Variants in ACOT8 observed in about 807,000 individuals in gnomAD.
ACOT8 encodes the protein acyl-CoA thioesterase 8, also known as acyl-coenzyme A thioesterase 8.
ACOT8 carries 31 observed loss-of-function variants against 38.4 expected under a neutral mutation model. The ratio of observed to expected loss-of-function variants is 0.81; its 90% CI spans 0.61 to 1.09. ACOT8 has a LOEUF of 1.09. ACOT8 is among the 50% of genes least tolerant of loss of function. The probability of loss-of-function intolerance (pLI) is 0.00; values close to 1 mark genes in which losing one functional copy is unlikely to be tolerated. For synonymous variants in ACOT8, 158 were observed against 170.3 expected (o/e 0.93, Z 0.56); for missense variants, 373 against 421.8 (o/e 0.88, Z 1.01).
At chr20:45,844,481 T>C (rs769684522) in intron 3 of ACOT8, 61 bp from the exon 4 acceptor site, 55 of 1,560,386 alleles carry the variant, frequency 3.5e-5, no homozygotes, top group Non-Finnish European at 4.8e-5. Flanking sequence ...CACATCTGCA[T>C]TGCCTCTTCT....
chr20:45,847,089 A>C (rs1258955202), intron 3 of ACOT8, among the ~76,000 whole-genome samples: 3 of 152,154 alleles, frequency 2.0e-5, no homozygotes, highest in Admixed American at 6.6e-5. Context: ...ATGTGCCTGT[A>C]ATCACAGCTG....
intron 3 of ACOT8, 70 bp downstream of exon 3, chr20:45,848,380 A>G: frequency 7.3e-7 from 1 of 1,360,684 alleles, no homozygotes; most frequent in Non-Finnish European, 1.0e-6. Context: ...CCACTAAAGG[A>G]TTCTATGACC....
chr20:45,857,371 C>T lies in ACOT8; in HGVS notation c.-56G>A. Reference sequence around the variant, plus strand: ...GCTCCGCGGAAGACGCGGAGACATACACAGAACCTGACTCTTCCGGCAGAT... The same window carrying T: ...GCTCCGCGGAAGACGCGGAGACATATACAGAACCTGACTCTTCCGGCAGAT... On this transcript the variant is annotated 5_prime_UTR_variant, in exon 1 of 6. Transcript: ENST00000217455. 6.5e-7 allele frequency: 1 copy of T among 1,540,882 alleles called. No homozygotes were observed. Among genetic ancestry groups the T allele is most frequent in the Non-Finnish European group, 8.7e-7 (1 of 1,143,656 alleles).
chr20:45,843,494 C>T (rs1451896634), intron 5 of ACOT8, 33 bp downstream of exon 5: 4 of 1,601,148 alleles, frequency 2.5e-6, no homozygotes, highest in Middle Eastern at 1.7e-4. Context: ...CACTCAAGGT[C>T]AGTGCCCTTG....
intron 2 of ACOT8, chr20:45,853,684 A>T (rs1334710328): frequency 1.7e-5 from 4 of 228,574 alleles, no homozygotes; most frequent in Non-Finnish European, 3.5e-5. Context: ...GAAACAAAGC[A>T]CATATTTACT....
At position 45,841,872 on chromosome 20, in the gene ACOT8, C is replaced by T. The variant is rs1180225347; in HGVS notation, c.926G>A (p.Arg309Gln). Residue 309 changes from arginine to glutamine, a missense_variant, in exon 6 of 6, where the codon CGA becomes CAA. By Grantham distance (43) the Arg-to-Gln change is conservative (BLOSUM62 1). Transcript: ENST00000217455. ...AVTCAQEGVI[R>Q]VKPQVSESKL ...GCTCTCTGAGACCTGGGGCTTCACT[C>T]GGATCACGCCCTCCTGGGCACAGGT... 2.7e-5 allele frequency: 43 copies of T among 1,608,470 alleles called. No homozygotes were observed. Among genetic ancestry groups the T allele is most frequent in the East Asian group, 4.5e-5 (2 of 44,800 alleles).
Position 45,843,127 on chromosome 20 carries a change from A to C in ACOT8, c.841+400T>G, listed in dbSNP as rs115135254. ...AATCTTGAGGGTGGAATCAGAATCTATTTTGAAAAGGCATCCCCAAATGGC... is the reference window on the plus strand; with the variant it reads ...AATCTTGAGGGTGGAATCAGAATCTCTTTTGAAAAGGCATCCCCAAATGGC... On this transcript the variant is annotated intron_variant, in intron 5 of 5. Coordinates refer to ENST00000217455, the MANE Select transcript of ACOT8 (RefSeq NM_005469.4). The C allele has an allele frequency of 2.9e-3, 2,953 of 1,004,388 alleles. 64 individuals are homozygous for C. In the African/African-American group the frequency reaches 0.044, roughly 15 times the overall value. The allele number at this position is 1,004,388 out of a possible 1,614,324, so 62.2% of individuals were successfully genotyped here.
chr20:45,848,535 G>T lies in ACOT8; in HGVS notation c.403C>A (p.Pro135Thr), dbSNP rs571509043. Residue 135 changes from proline to threonine, a missense_variant, in exon 3 of 6, where the codon CCC (proline) becomes ACC (threonine). Coordinates refer to ENST00000217455, the MANE Select transcript of ACOT8 (RefSeq NM_005469.4). ...GGCATGGAGAACTGGTGCTGCATGG[G>T]GCTGGGCTGGGCCTGCTGGAAGGAG... Reference protein sequence around the residue: ...QASFQQAQPSPMQHQFSMPTV... With the variant: ...QASFQQAQPSTMQHQFSMPTV... The T allele has an allele frequency of 4.0e-5, 64 of 1,614,110 alleles. 2 individuals carry two copies. The South Asian group carries it at 6.7e-4, about 17-fold the overall frequency.
At chr20:45,855,854 C>T (rs971247381) in intron 1 of ACOT8, among the ~76,000 whole-genome samples, 1 of 152,194 alleles carries the variant, frequency 6.6e-6, no homozygotes, top group East Asian at 1.9e-4. Flanking sequence ...TGCAGCTTGG[C>T]CCCAGAGATG....
rs771521337 is a variant in ACOT8 at position 45,841,910 on chromosome 20, T to C, written c.888A>G (p.Gly296=). The C allele has an allele frequency of 6.2e-7, 1 of 1,612,738 alleles. No homozygotes were observed. Among genetic ancestry groups the C allele is most frequent in the South Asian group, 1.1e-5 (1 of 90,880 alleles). ...CCTGGGCACAGGTCACAGCTAGGAC[T>C]CCATCCTGACGCCACAGCCGCCCAT... ...LVHGRLWRQD[G]VLAVTCAQEG... is the part of the protein sequence containing the mutation. Residue 296 remains glycine, a synonymous_variant, in exon 6 of 6, where the codon GGA becomes GGG. Coordinates refer to ENST00000217455, the MANE Select transcript of ACOT8 (RefSeq NM_005469.4).
intron 5 of ACOT8, 182 bp downstream of exon 5, chr20:45,843,345 C>T: frequency 1.2e-6 from 1 of 846,414 alleles, no homozygotes; most frequent in South Asian, 1.4e-5. Flanking sequence ...AAATTTAGAG[C>T]AGAGCAGGTG....
chr20:45,846,390 C>G (rs934236132), intron 3 of ACOT8, among the ~76,000 whole-genome samples: 1 of 152,078 alleles, frequency 6.6e-6, no homozygotes, highest in Non-Finnish European at 1.5e-5. Context: ...CTCACAGCAG[C>G]CTTATGAGGT....
Position 45,857,359 on chromosome 20 carries a change from C to G in ACOT8, c.-44G>C, listed in dbSNP as rs1985533927. 3.9e-6 allele frequency: 6 copies of G among 1,557,784 alleles called. No homozygotes were observed. Among genetic ancestry groups the G allele is most frequent in the Non-Finnish European group, 5.2e-6 (6 of 1,152,562 alleles). On this transcript the variant is annotated 5_prime_UTR_variant, in exon 1 of 6. Coordinates refer to ENST00000217455, the MANE Select transcript of ACOT8 (RefSeq NM_005469.4). ...CCCTGCACACCCGCTCCGCGGAAGA[C>G]GCGGAGACATACACAGAACCTGACT...
intron 2 of ACOT8, among the ~76,000 whole-genome samples, chr20:45,854,425 T>A (rs933062903): frequency 6.6e-6 from 1 of 152,148 alleles, no homozygotes; most frequent in Non-Finnish European, 1.5e-5. Flanking sequence ...TTAGCTAGGA[T>A]GGTCCCGATC....
intron 2 of ACOT8, among the ~76,000 whole-genome samples, chr20:45,849,600 G>A (rs114279558): frequency 0.014 from 2,136 of 152,144 alleles, 40 homozygotes; most frequent in African/African-American, 0.048. Context: ...ACAGGCGTGC[G>A]CCGCTACACC....
chr20:45,857,268 G>A lies in ACOT8; in HGVS notation c.48C>T (p.Arg16=), dbSNP rs757794016. 3.7e-6 allele frequency: 6 copies of A among 1,612,912 alleles called. No homozygotes were observed. Among genetic ancestry groups the A allele is most frequent in the Admixed American group, 1.7e-5 (1 of 59,902 alleles). ...TACGGAGGTCCCCAGGGGGATCGCC[G>A]CGGTCGCCACAGCCCTGCCCATCTT... The part of the protein sequence containing the change: ...APEDGQGCGD[R]GDPPGDLRSV... Residue 16 remains arginine, a synonymous_variant, in exon 1 of 6, where the codon CGC becomes CGT. Coordinates refer to ENST00000217455, the MANE Select transcript of ACOT8 (RefSeq NM_005469.4).
At chr20:45,842,396 T>C in intron 5 of ACOT8, 1 of 1,240,098 alleles carries the variant, frequency 8.1e-7, no homozygotes, top group Non-Finnish European at 1.0e-6. Flanking sequence ...GCAGAACTGC[T>C]GTACCTCTGA....
intron 1 of ACOT8, among the ~76,000 whole-genome samples, chr20:45,856,520 A>AAGAAGTTAAAAAATT (rs1304824320): frequency 6.6e-6 from 1 of 152,130 alleles, no homozygotes; most frequent in Non-Finnish European, 1.5e-5. Flanking sequence ...TCTCTACTAA[A>AAGAAGTTAAAAAATT]AGAAGTTAAA....
chr20:45,847,625 G>A (rs1435007412), intron 3 of ACOT8: 1 of 149,546 alleles, frequency 6.7e-6, no homozygotes, highest in Non-Finnish European at 1.5e-5. Flanking sequence ...AGCTACTTGG[G>A]AGGCTGAGGC....
Sources: gnomAD v4.1 joint callset for allele counts (sites outside exome capture counted in the v4.1 genomes callset) on GRCh38, gnomAD v4.1.1 for gene constraint, MANE v1.5 for transcripts, NCBI Gene and HGNC (gene_info 2026-07-23, HGNC 2026-07-21) for gene names.